The following TM4SF5 variants were observed in gnomAD, a reference collection of about 807,000 sequenced individuals.
TM4SF5 encodes transmembrane 4 L6 family member 5.
In TM4SF5, 16 loss-of-function variants were observed where a neutral mutation model predicts 22.3. The observed-to-expected ratio is 0.72, with a 90% CI of 0.49 to 1.09. The LOEUF (loss-of-function observed/expected upper bound fraction) is 1.09, where lower values mean the gene tolerates loss of function less well. Ranked by LOEUF, TM4SF5 falls within the 50% of genes least tolerant of loss-of-function variation. The pLI is 0.00. For missense variants in TM4SF5, 249 were observed against 266.1 expected (o/e 0.94, Z 0.45); for synonymous variants, 113 against 109.6 (o/e 1.03, Z -0.19).
intron 1 of TM4SF5, among the ~76,000 whole-genome samples, chr17:4,775,359 C>T (rs138196450): frequency 7.9e-4 from 119 of 151,408 alleles, no homozygotes; most frequent in Middle Eastern, 3.4e-3. Flanking sequence ...CTTGGGTTCA[C>T]GCCATTCTCC....
rs773890869 is a variant in TM4SF5 at position 4,780,866 on chromosome 17, C to T, written c.255C>T (p.Cys85=). 13 of 1,611,710 alleles carry T rather than the reference C, an allele frequency of 8.1e-6. No homozygotes were observed. Among genetic ancestry groups the T allele is most frequent in the Middle Eastern group, 1.6e-4 (1 of 6,062 alleles). The change falls in exon 2 of 5, where the codon TGC becomes TGT. Residue 85 remains cysteine, a synonymous_variant. Transcript: ENST00000270560. ...GTGCTGGGTGCTGTGGAAACCGCTG[C>T]AGGGTAAGATCCAGATTAAGAAGGA... ...CCGAGCCGNR[C]RMLRSVFSSA...
In TM4SF5 at chr17:4,782,640, G is replaced by GT. The variant is rs1197030477; in HGVS notation, c.395+2dup. 2 of 1,614,020 alleles carry GT rather than the reference G, an allele frequency of 1.2e-6. No individual in the cohort carries two copies. Among genetic ancestry groups the GT allele is most frequent in the African/African-American group, 2.7e-5 (2 of 74,934 alleles). On this transcript the variant is annotated splice_donor_variant, in intron 3 of 4. Coordinates refer to ENST00000270560, the MANE Select transcript of TM4SF5 (RefSeq NM_003963.3). LOFTEE classifies it high-confidence loss of function. ...GGGGCTACCACTTCGAAGACACCGC[G>GT]TAAGGTTTAGCCTGTATTCGTGTCC... is the stretch of plus-strand genomic sequence containing the variant.
intron 1 of TM4SF5, among the ~76,000 whole-genome samples, chr17:4,775,266 T>C (rs1360113616): frequency 6.6e-6 from 1 of 151,926 alleles, no homozygotes; most frequent in Admixed American, 6.6e-5. Context: ...GAAGGACTTT[T>C]TTTTTTTTTT....
chr17:4,777,999 T>C (rs536650939), intron 1 of TM4SF5, among the ~76,000 whole-genome samples: 1 of 150,582 alleles, frequency 6.6e-6, no homozygotes, highest in Non-Finnish European at 1.5e-5. Flanking sequence ...TGAGCCATGA[T>C]CATGCCACTG....
chr17:4,782,354 C>T, intron 2 of TM4SF5, 149 bp from the exon 3 acceptor site: 1 of 900,110 alleles, frequency 1.1e-6, no homozygotes, highest in Non-Finnish European at 1.7e-6. Flanking sequence ...GCTGAGATTA[C>T]AGGGGTGAGC....
intron 1 of TM4SF5, among the ~76,000 whole-genome samples, chr17:4,775,485 C>T (rs1219023472): frequency 1.3e-5 from 2 of 151,656 alleles, no homozygotes; most frequent in Non-Finnish European, 1.5e-5. Context: ...AGGATGGTCT[C>T]GATCTCCTGA....
chr17:4,772,004 C>T lies in TM4SF5; in HGVS notation c.82C>T (p.Leu28=), dbSNP rs1273079354. Residue 28 remains leucine (L), a synonymous_variant, in exon 1 of 5, where the codon CTG becomes TTG. Coordinates refer to ENST00000270560, the MANE Select transcript of TM4SF5 (RefSeq NM_003963.3). ...CGTCTGCATTGTGGCCAACGCCCTC[C>T]TGCTGGTACCTAATGGGGAGACCTC... is the stretch of plus-strand genomic sequence containing the variant. The part of the protein sequence containing the change: ...CLVCIVANAL[L]LVPNGETSWT... The T allele has an allele frequency of 6.2e-7, 1 of 1,614,198 alleles. No homozygotes were observed. The highest frequency in any genetic ancestry group is 1.1e-5 in the South Asian group (1 of 91,088).
intron 1 of TM4SF5, among the ~76,000 whole-genome samples, chr17:4,773,232 T>G (rs1917148005): frequency 6.6e-6 from 1 of 151,878 alleles, no homozygotes. Flanking sequence ...GGAGTATCTC[T>G]GTGTTGCCCA....
rs141156075 is a variant in TM4SF5, at chr17:4,774,839, G to A, written c.177+2740G>A. On this transcript the variant is annotated intron_variant, in intron 1 of 4. Transcript: ENST00000270560. ...GGAGAATTGCTTGAACCCGAGAGGC[G>A]GAGGTTGCAGTGAACCAAGATTGCA... 6.9e-3 allele frequency among the ~76,000 whole-genome samples: 1,049 copies of A among 151,876 alleles called. 11 individuals carry two copies. The highest frequency in any genetic ancestry group is 0.024 in the African/African-American group (1,005 of 41,452).
Position 4,782,917 on chromosome 17 carries a change from C to A in TM4SF5, c.459C>A (p.Pro153=). The A allele has an allele frequency of 5.6e-6, 9 of 1,614,232 alleles. No homozygotes were observed. The highest frequency in any genetic ancestry group is 7.6e-6 in the Non-Finnish European group (9 of 1,180,044). The part of the protein sequence containing the change: ...DRCEAPPRVV[P]WNVTLFSLLV... ...GCGAGGCGCCCCCTCGCGTGGTCCCCTGGAATGTGACGCTCTTCTCGCTGC... is the reference window on the plus strand; with the variant it reads ...GCGAGGCGCCCCCTCGCGTGGTCCCATGGAATGTGACGCTCTTCTCGCTGC... The change falls in exon 4 of 5, where the codon CCC becomes CCA. Residue 153 remains proline (P), a synonymous_variant. Transcript: ENST00000270560.
At chr17:4,772,444 GTCA>G (rs1261875396) in intron 1 of TM4SF5, among the ~76,000 whole-genome samples, 1 of 152,178 alleles carries the variant, frequency 6.6e-6, no homozygotes, top group Non-Finnish European at 1.5e-5. Context: ...TGTCAGAGAC[GTCA>G]TCGGGGCAGG....
At chr17:4,777,120 C>A (rs2150646149) in intron 1 of TM4SF5, among the ~76,000 whole-genome samples, 1 of 151,368 alleles carries the variant, frequency 6.6e-6, no homozygotes, top group East Asian at 1.9e-4. Flanking sequence ...TCTCCTGAAC[C>A]CAGCAGACAG....
intron 1 of TM4SF5, among the ~76,000 whole-genome samples, chr17:4,773,157 G>A (rs2326100): frequency 0.4 from 60,687 of 151,770 alleles, 12,313 homozygotes; most frequent in Non-Finnish European, 0.44. Context: ...CGCCCCCCTC[G>A]GCCTCCCAAA....
At chr17:4,778,622 A>AC (rs749010546) in intron 1 of TM4SF5, among the ~76,000 whole-genome samples, 6 of 152,072 alleles carry the variant, frequency 3.9e-5, no homozygotes, top group Non-Finnish European at 7.4e-5. Flanking sequence ...GCAAACACAC[A>AC]CACACACGAA....
chr17:4,779,515 T>C (rs1214187139), intron 1 of TM4SF5, among the ~76,000 whole-genome samples: 1 of 151,466 alleles, frequency 6.6e-6, no homozygotes, highest in Non-Finnish European at 1.5e-5. Context: ...TATGAGAGTG[T>C]AATAGGGAGG....
chr17:4,774,345 G>A (rs12949327), intron 1 of TM4SF5, among the ~76,000 whole-genome samples: 64,361 of 152,020 alleles, frequency 0.42, 14,469 homozygotes, highest in Non-Finnish European at 0.52. Flanking sequence ...AGTCCCACGA[G>A]AGCAAGCACT....
chr17:4,775,416 G>A (rs1597297184), intron 1 of TM4SF5, among the ~76,000 whole-genome samples: 1 of 151,390 alleles, frequency 6.6e-6, no homozygotes, highest in African/African-American at 2.4e-5. Context: ...CCGCCACCAC[G>A]CACAGCAAAT....
chr17:4,782,914 C>A lies in TM4SF5; in HGVS notation c.456C>A (p.Val152=), dbSNP rs768839512. Residue 152 remains valine (V), a synonymous_variant, in exon 4 of 5, where the codon GTC becomes GTA. Coordinates refer to ENST00000270560, the MANE Select transcript of TM4SF5 (RefSeq NM_003963.3). Reference sequence around the variant, plus strand: ...GGTGCGAGGCGCCCCCTCGCGTGGTCCCCTGGAATGTGACGCTCTTCTCGC... The same window carrying A: ...GGTGCGAGGCGCCCCCTCGCGTGGTACCCTGGAATGTGACGCTCTTCTCGC... ...WDRCEAPPRV[V]PWNVTLFSLL... is the part of the protein sequence containing the mutation. The A allele has an allele frequency of 1.2e-6, 2 of 1,614,212 alleles. No individual in the cohort carries two copies. The highest frequency in any genetic ancestry group is 1.1e-5 in the South Asian group (1 of 91,086).
rs187345737 is a variant in TM4SF5 at position 4,776,222 on chromosome 17, T to A, written c.177+4123T>A. 1.2e-4 allele frequency among the ~76,000 whole-genome samples: 18 copies of A among 152,296 alleles called. No individual in the cohort carries two copies. In the East Asian group the frequency reaches 2.1e-3, roughly 18 times the overall value. On this transcript the variant is annotated intron_variant, in intron 1 of 4. Coordinates refer to ENST00000270560, the MANE Select transcript of TM4SF5 (RefSeq NM_003963.3). ...ATTATCAGGTGTAGCTGTAGTTTTC[T>A]TTTTTTCTTATACATTCTATTATGT...
Sources: allele counts gnomAD v4.1 joint callset (sites outside exome capture counted in the v4.1 genomes callset), GRCh38; gene constraint gnomAD v4.1.1; transcripts MANE v1.5; gene names NCBI Gene and HGNC (gene_info 2026-07-23, HGNC 2026-07-21).